The following ALMS1 variants were observed in gnomAD, a reference collection of about 807,000 sequenced individuals.
ALMS1 encodes ALMS1 centrosome and basal body associated protein, also known as centrosome-associated protein ALMS1.
In ALMS1, 271 loss-of-function variants were observed where a neutral mutation model predicts 352.2. That is an observed-to-expected ratio of 0.77 (90% CI 0.70 to 0.85). The LOEUF (loss-of-function observed/expected upper bound fraction) is 0.85. Among genes scored for constraint, ALMS1 ranks in the 40% least tolerant of loss-of-function variants. The pLI is 0.00. For missense variants in ALMS1, 5,445 were observed against 4,870.7 expected (o/e 1.12, Z -3.51); for synonymous variants, 1,865 against 1,761.2 (o/e 1.06, Z -1.48).
intron 9 of ALMS1, among the ~76,000 whole-genome samples, chr2:73,460,748 C>T (rs971350576): frequency 2.0e-5 from 3 of 152,226 alleles, no homozygotes; most frequent in Non-Finnish European, 2.9e-5. Flanking sequence ...ACTAATACTG[C>T]GCTTTTCCGA....
rs142162624 is a variant in ALMS1 at position 73,421,312 on chromosome 2, C to G, written c.647-1545C>G. On this transcript the variant is annotated intron_variant, in intron 3 of 22. Transcript: ENST00000613296. ...TTTTTTGAGAAAAGACTGTCAGATT[C>G]TTTAAATACTCAGCCTGCAGTTAAC... Among the ~76,000 whole-genome samples, 914 of 152,218 alleles carry G rather than the reference C, an allele frequency of 6.0e-3. 7 individuals are homozygous for G. The highest frequency in any genetic ancestry group is 0.017 in the Middle Eastern group (5 of 294).
At position 73,572,871 on chromosome 2, in the gene ALMS1, G is replaced by A. The variant is rs1028879206; in HGVS notation, c.10994G>A (p.Gly3665Asp). The part of the protein sequence containing the change: ...RGERSVKEWS[G>D]RQQQRNKLQK... Reference sequence around the variant, plus strand: ...GAACGAAGTGTGAAGGAATGGAGTGGTAGACAACAGCAGAGAAATAAGCTT... The same window carrying A: ...GAACGAAGTGTGAAGGAATGGAGTGATAGACAACAGCAGAGAAATAAGCTT... Residue 3665 changes from glycine (G) to aspartate (D), a missense_variant, in exon 16 of 23, where the codon GGT (glycine) becomes GAT (aspartate). Transcript: ENST00000613296. The A allele has an allele frequency of 8.7e-6, 14 of 1,613,914 alleles. No homozygotes were observed. The highest frequency in any genetic ancestry group is 1.7e-5 in the Admixed American group (1 of 59,976).
At chr2:73,389,153 T>C (rs184982513) in intron 1 of ALMS1, among the ~76,000 whole-genome samples, 1 of 152,372 alleles carries the variant, frequency 6.6e-6, no homozygotes, top group Admixed American at 6.5e-5. Flanking sequence ...TGAGATGGTA[T>C]CTCATTGTGA....
Position 73,453,792 on chromosome 2 carries a change from G to T in ALMS1, c.7265G>T (p.Gly2422Val). 1 of 1,614,120 alleles carries T rather than the reference G, an allele frequency of 6.2e-7. No individual in the cohort carries two copies. Among genetic ancestry groups the T allele is most frequent in the Non-Finnish European group, 8.5e-7 (1 of 1,180,000 alleles). Residue 2422 changes from glycine to valine, a missense_variant, in exon 8 of 23, where the codon GGA (glycine) becomes GTA (valine). Transcript: ENST00000613296. Reference sequence around the variant, plus strand: ...GATTCAAGTAGTGATGCCAGTGATGGAAATGGTTCCTGCTCGTGGGACAGT... The same window carrying T: ...GATTCAAGTAGTGATGCCAGTGATGTAAATGGTTCCTGCTCGTGGGACAGT... ...KSDSSSDASDGNGSCSWDSNL... is the reference protein window; with the variant it reads ...KSDSSSDASDVNGSCSWDSNL...
In ALMS1 at chr2:73,491,300, T is replaced by C. The variant is rs777169372; in HGVS notation, c.9341T>C (p.Leu3114Ser). 1 of 1,614,208 alleles carries C rather than the reference T, an allele frequency of 6.2e-7. No homozygotes were observed. The highest frequency in any genetic ancestry group is 8.5e-7 in the Non-Finnish European group (1 of 1,180,020). Residue 3114 changes from leucine (L) to serine (S), a missense_variant, in exon 10 of 23, where the codon TTA becomes TCA. By Grantham distance (145) the Leu-to-Ser change is moderately radical (BLOSUM62 -2). Transcript: ENST00000613296. ...CCTGTAGCACAGGATCAAGAATCTTTAGGTTTTCTAGGACCTAAATCTTCA... is the reference window on the plus strand; with the variant it reads ...CCTGTAGCACAGGATCAAGAATCTTCAGGTTTTCTAGGACCTAAATCTTCA... ...SKPVAQDQES[L>S]GFLGPKSSLD...
intron 1 of ALMS1, among the ~76,000 whole-genome samples, chr2:73,388,054 G>GT (rs1193969673): frequency 6.6e-6 from 1 of 152,136 alleles, no homozygotes; most frequent in Non-Finnish European, 1.5e-5. Flanking sequence ...GGTGGAATTG[G>GT]TTGGGTGAGT....
chr2:73,538,764 C>T (rs570693219), intron 12 of ALMS1, among the ~76,000 whole-genome samples: 30 of 152,338 alleles, frequency 2.0e-4, no homozygotes, highest in African/African-American at 4.8e-4. Context: ...GAGGATCCTA[C>T]GCCCACGGAG....
At chr2:73,469,086 T>C (rs1672415751) in intron 9 of ALMS1, among the ~76,000 whole-genome samples, 1 of 151,988 alleles carries the variant, frequency 6.6e-6, no homozygotes, top group African/African-American at 2.4e-5. Context: ...GGCAGAATAC[T>C]GTCTCTTCTC....
chr2:73,559,987 A>C (rs181808854), intron 15 of ALMS1, among the ~76,000 whole-genome samples: 1 of 152,330 alleles, frequency 6.6e-6, no homozygotes, highest in African/African-American at 2.4e-5. Context: ...GATTTCTCAG[A>C]TGTGACACCA....
rs1217540541 is a variant in ALMS1 at position 73,534,939 on chromosome 2, C to G, written c.9897C>G (p.Ser3299Arg). 1.2e-6 allele frequency: 2 copies of G among 1,613,772 alleles called. No individual in the cohort carries two copies. Among genetic ancestry groups the G allele is most frequent in the South Asian group, 2.2e-5 (2 of 91,068 alleles). Residue 3299 changes from serine (S) to arginine (R), a missense_variant, in exon 12 of 23, where the codon AGC becomes AGG. Ser to Arg is a moderately radical substitution (Grantham distance 110). Transcript: ENST00000613296. ...PDSKSDTTVE[S>R]SHSGSNDAIA... ...CCAAATCAGATACCACCGTTGAAAG[C>G]TCCCATTCAGGTATTATGCAGAAAT...
chr2:73,474,793 T>G (rs1672549475), intron 9 of ALMS1, among the ~76,000 whole-genome samples: 1 of 152,118 alleles, frequency 6.6e-6, no homozygotes, highest in Non-Finnish European at 1.5e-5. Context: ...CATCTTTATC[T>G]CAGTATAATT....
intron 9 of ALMS1, chr2:73,456,642 T>C (rs1346614596): frequency 6.6e-6 from 1 of 152,204 alleles, no homozygotes; most frequent in Non-Finnish European, 1.5e-5. Flanking sequence ...TCTCCAGTGA[T>C]ATAGTTTATT....
At chr2:73,603,515 A>G (rs1296418221) in intron 21 of ALMS1, 1 of 557,356 alleles carries the variant, frequency 1.8e-6, no homozygotes, top group South Asian at 2.0e-5. Flanking sequence ...AAAACTTCTC[A>G]CTAATTTGCA....
At chr2:73,387,041 C>A (rs905415874) in intron 1 of ALMS1, among the ~76,000 whole-genome samples, 1 of 152,130 alleles carries the variant, frequency 6.6e-6, no homozygotes, top group Non-Finnish European at 1.5e-5. Flanking sequence ...CTGTTCTTAC[C>A]GGTTTTCAAG....
chr2:73,550,202 TAA>T (rs1674400173), intron 12 of ALMS1, 63 bp from the exon 13 acceptor site: 1 of 1,593,068 alleles, frequency 6.3e-7, no homozygotes, highest in African/African-American at 1.3e-5. Context: ...GGCAAATTTT[TAA>T]AAAGTCTTTC....
chr2:73,455,350 A>T (rs896910247), intron 9 of ALMS1, 55 bp downstream of exon 9: 162 of 1,604,890 alleles, frequency 1.0e-4, no homozygotes, highest in Non-Finnish European at 1.3e-4. Flanking sequence ...GGGTGATGGA[A>T]TTAGGATCTC....
In ALMS1 at chr2:73,451,638, C is replaced by T. The variant is rs755683870; in HGVS notation, c.5111C>T (p.Thr1704Ile). The T allele has an allele frequency of 1.5e-5, 25 of 1,613,800 alleles. No homozygotes were observed. The South Asian group carries it at 2.3e-4, about 15-fold the overall frequency. The change falls in exon 8 of 23, where the codon ACA (threonine) becomes ATA (isoleucine). Residue 1704 changes from threonine (T) to isoleucine (I), a missense_variant. By Grantham distance (89) the Thr-to-Ile change is moderately conservative. Transcript: ENST00000613296. ...VPGPDAQKTE[T>I]PSVSSSLYSY... ...GGACCAGATGCCCAGAAGACTGAGA[C>T]ACCATCAGTATCCTCTAGTTTATAC... is the stretch of plus-strand genomic sequence containing the variant.
chr2:73,569,669 C>T (rs1032481566), intron 15 of ALMS1, among the ~76,000 whole-genome samples: 1 of 152,194 alleles, frequency 6.6e-6, no homozygotes, highest in Non-Finnish European at 1.5e-5. Context: ...TTACTTTCCT[C>T]TGCTTTATAA....
At position 73,455,393 on chromosome 2, in the gene ALMS1, T is replaced by A. The variant is rs1056697764; in HGVS notation, c.7674+98T>A. On this transcript the variant is annotated intron_variant, in intron 9 of 22. Coordinates refer to ENST00000613296, the MANE Select transcript of ALMS1 (RefSeq NM_001378454.1). ...GGCATCAGTTGAGTTGCTGATAATA[T>A]TTGGCTAAAGCCTTTTTTGGTTTTG... 3.3e-6 allele frequency: 5 copies of A among 1,518,300 alleles called. No homozygotes were observed. The African/African-American group carries it at 6.9e-5, about 21-fold the overall frequency. The allele number at this position is 1,518,300 out of a possible 1,614,324, so 94.1% of individuals were successfully genotyped here.
Sources: allele counts gnomAD v4.1 joint callset (sites outside exome capture counted in the v4.1 genomes callset), GRCh38; gene constraint gnomAD v4.1.1; transcripts MANE v1.5; gene names NCBI Gene and HGNC (gene_info 2026-07-23, HGNC 2026-07-21).